Variants in RALA observed in about 807,000 individuals in gnomAD.
RALA encodes the protein ras-related protein Ral-A.
Under a neutral mutation model 24.0 loss-of-function variants are expected in RALA, and 5 were observed. The observed-to-expected ratio is 0.21, with a 90% confidence interval of 0.11 to 0.44. The LOEUF is 0.44. Ranked by LOEUF, RALA falls within the 20% of genes least tolerant of loss-of-function variation. RALA has a pLI of 0.99. For missense variants in RALA, 95 were observed against 241.2 expected (o/e 0.39, Z 4.01); for synonymous variants, 77 against 83.8 (o/e 0.92, Z 0.44).
At chr7:39,690,131 G>A (rs1341796218) in intron 2 of RALA, among the ~76,000 whole-genome samples, 1 of 152,110 alleles carries the variant, frequency 6.6e-6, no homozygotes, top group Non-Finnish European at 1.5e-5. Context: ...GTGTTTTAAG[G>A]AAGAAAAGCT....
At chr7:39,661,283 T>C (rs1004189051) in intron 1 of RALA, among the ~76,000 whole-genome samples, 17 of 152,088 alleles carry the variant, frequency 1.1e-4, no homozygotes, top group African/African-American at 4.1e-4. Flanking sequence ...CCCTCCCAAA[T>C]CTCATGTCCT....
At chr7:39,694,914 G>A (rs534066857) in intron 3 of RALA, among the ~76,000 whole-genome samples, 1 of 151,972 alleles carries the variant, frequency 6.6e-6, no homozygotes, top group Admixed American at 6.6e-5. Flanking sequence ...AATTAGCTGG[G>A]TGTGGTGGCG....
At chr7:39,657,995 T>G (rs1792123729) in intron 1 of RALA, among the ~76,000 whole-genome samples, 1 of 152,234 alleles carries the variant, frequency 6.6e-6, no homozygotes, top group Admixed American at 6.5e-5. Context: ...GTACTCTTCC[T>G]CCTACTTCTC....
chr7:39,681,552 T>C (rs915970102), intron 1 of RALA, among the ~76,000 whole-genome samples: 1 of 152,028 alleles, frequency 6.6e-6, no homozygotes, highest in Non-Finnish European at 1.5e-5. Context: ...GAATTAGCTC[T>C]TTTTTGTCTC....
At chr7:39,659,101 C>T (rs1792142555) in intron 1 of RALA, among the ~76,000 whole-genome samples, 1 of 152,004 alleles carries the variant, frequency 6.6e-6, no homozygotes, top group Non-Finnish European at 1.5e-5. Flanking sequence ...GGCAAAATGG[C>T]AGAACCCCTC....
chr7:39,636,734 A>T lies in RALA; in HGVS notation c.-38+12909A>T, dbSNP rs757603441. Among the ~76,000 whole-genome samples the T allele has an allele frequency of 1.6e-4, 25 of 152,338 alleles. No individual in the cohort carries two copies. In the East Asian group the frequency reaches 3.1e-3, roughly 19 times the overall value. On this transcript the variant is annotated intron_variant, in intron 1 of 4. Coordinates refer to ENST00000005257, the MANE Select transcript of RALA (RefSeq NM_005402.4). ...AAGAGAAGAGGTTTAATTGACTCAG[A>T]GTTCTGCAAACTTAACAAGAATCAT...
intron 2 of RALA, among the ~76,000 whole-genome samples, chr7:39,689,014 A>G (rs968122492): frequency 1.3e-5 from 2 of 152,180 alleles, no homozygotes; most frequent in African/African-American, 2.4e-5. Flanking sequence ...AGTGCCACAC[A>G]CTTTAAAAAC....
chr7:39,702,395 T>C (rs1793045287), intron 4 of RALA, among the ~76,000 whole-genome samples: 1 of 152,234 alleles, frequency 6.6e-6, no homozygotes, highest in Non-Finnish European at 1.5e-5. Context: ...ATATATTTTG[T>C]ATCTGTATAT....
chr7:39,673,091 G>A (rs1162250942), intron 1 of RALA, among the ~76,000 whole-genome samples: 1 of 152,184 alleles, frequency 6.6e-6, no homozygotes, highest in Admixed American at 6.5e-5. Context: ...AGGAGGCTGA[G>A]GTGGGAGGAT....
intron 1 of RALA, among the ~76,000 whole-genome samples, chr7:39,633,725 GA>G (rs1477533595): frequency 6.6e-6 from 1 of 152,140 alleles, no homozygotes; most frequent in Non-Finnish European, 1.5e-5. Flanking sequence ...TAAGGCCTGG[GA>G]CATCTGGCTT....
chr7:39,674,393 C>T (rs1285356263), intron 1 of RALA, among the ~76,000 whole-genome samples: 2 of 152,138 alleles, frequency 1.3e-5, no homozygotes, highest in Non-Finnish European at 2.9e-5. Flanking sequence ...GAAATTATGA[C>T]TTACTAAGCC....
intron 1 of RALA, among the ~76,000 whole-genome samples, chr7:39,672,013 C>G (rs1418397153): frequency 1.3e-5 from 2 of 151,978 alleles, no homozygotes; most frequent in Non-Finnish European, 2.9e-5. Context: ...AATAATAAGG[C>G]TTTATTTGTA....
intron 4 of RALA, among the ~76,000 whole-genome samples, chr7:39,702,774 A>T (rs527556570): frequency 6.6e-6 from 1 of 152,364 alleles, no homozygotes; most frequent in East Asian, 1.9e-4. Context: ...TAAACACTGC[A>T]TGTTCTCATT....
Position 39,683,867 on chromosome 7 carries a change from ACACAC to A in RALA, c.-37-2763_-37-2759del, listed in dbSNP as rs1191468098. ...CACACACACACACACACACACACAC[ACACAC>A]AACTCTTAGAGTATTAATTGATATG... On this transcript the variant is annotated intron_variant, in intron 1 of 4. Coordinates refer to ENST00000005257, the MANE Select transcript of RALA (RefSeq NM_005402.4). 2.6e-5 allele frequency among the ~76,000 whole-genome samples: 4 copies of A among 151,990 alleles called. No individual in the cohort carries two copies. The East Asian group carries it at 5.8e-4, about 22-fold the overall frequency.
intron 1 of RALA, among the ~76,000 whole-genome samples, chr7:39,639,932 A>AAACCG (rs1791754304): frequency 6.6e-6 from 1 of 151,538 alleles, no homozygotes; most frequent in African/African-American, 2.5e-5. Context: ...TATTTCATTA[A>AAACCG]AACCGAATCA....
chr7:39,699,118 G>GTTTTTTTTTTTTTTTT (rs1209729467), intron 4 of RALA, among the ~76,000 whole-genome samples: 4 of 84,136 alleles, frequency 4.8e-5, no homozygotes, highest in African/African-American at 1.9e-4. Flanking sequence ...TGCTAAAAAT[G>GTTTTTTTTTTTTTTTT]TTATTTTTTT....
At chr7:39,634,008 C>G (rs1791644229) in intron 1 of RALA, among the ~76,000 whole-genome samples, 1 of 152,182 alleles carries the variant, frequency 6.6e-6, no homozygotes, top group South Asian at 2.1e-4. Context: ...AACTCTCAGA[C>G]CACATCCTGT....
At chr7:39,686,119 T>C (rs553747657) in intron 1 of RALA, among the ~76,000 whole-genome samples, 2 of 150,482 alleles carry the variant, frequency 1.3e-5, no homozygotes, top group East Asian at 3.9e-4. Context: ...GGCACAAGAA[T>C]CGCTTGAACC....
chr7:39,661,743 C>A (rs1289450949), intron 1 of RALA, among the ~76,000 whole-genome samples: 1 of 152,196 alleles, frequency 6.6e-6, no homozygotes. Context: ...ATGGTGCAAG[C>A]TGTCAGTGGA....
Sources: gnomAD v4.1 joint callset for allele counts (sites outside exome capture counted in the v4.1 genomes callset) on GRCh38, gnomAD v4.1.1 for gene constraint, MANE v1.5 for transcripts, NCBI Gene and HGNC (gene_info 2026-07-23, HGNC 2026-07-21) for gene names.